Variants in NLGN1 observed in about 807,000 individuals in gnomAD.
The protein encoded by NLGN1 is neuroligin 1.
In NLGN1, 12 loss-of-function variants were observed where a neutral mutation model predicts 65.5. The observed-to-expected ratio is 0.18, with a 90% CI of 0.12 to 0.30. NLGN1 has a LOEUF of 0.30. Among genes scored for constraint, NLGN1 ranks in the 10% least tolerant of loss-of-function variants. NLGN1 has a pLI of 1.00. For missense variants in NLGN1, 750 were observed against 1,007.1 expected (o/e 0.74, Z 3.46); for synonymous variants, 350 against 359.5 (o/e 0.97, Z 0.30).
chr3:173,813,285 C>A (rs999430266), intron 4 of NLGN1, among the ~76,000 whole-genome samples: 1 of 151,864 alleles, frequency 6.6e-6, no homozygotes, highest in African/African-American at 2.4e-5. Context: ...AAAGAACCCC[C>A]AAAAAACAAA....
chr3:173,405,395 A>G (rs1718445985), intron 1 of NLGN1, among the ~76,000 whole-genome samples: 1 of 152,036 alleles, frequency 6.6e-6, no homozygotes, highest in Admixed American at 6.6e-5. Flanking sequence ...TCACATATAT[A>G]GTCTATGGCT....
At chr3:174,251,564 GA>G (rs901755009) in intron 4 of NLGN1, among the ~76,000 whole-genome samples, 8 of 152,014 alleles carry the variant, frequency 5.3e-5, no homozygotes, top group Non-Finnish European at 8.8e-5. Context: ...GATAAGCTTG[GA>G]AAAAAAGTTA....
intron 4 of NLGN1, among the ~76,000 whole-genome samples, chr3:174,044,396 G>T (rs1479688041): frequency 6.6e-6 from 1 of 151,882 alleles, no homozygotes; most frequent in African/African-American, 2.4e-5. Context: ...AAAGTTTTAT[G>T]CTCTGCTTCC....
At chr3:173,962,823 A>C (rs16848102) in intron 4 of NLGN1, among the ~76,000 whole-genome samples, 2,591 of 152,248 alleles carry the variant, frequency 0.017, 86 homozygotes, top group African/African-American at 0.058. Context: ...GATGCTCAAT[A>C]TACCTTATCT....
At chr3:173,974,334 C>T (rs1716949618) in intron 4 of NLGN1, among the ~76,000 whole-genome samples, 1 of 151,682 alleles carries the variant, frequency 6.6e-6, no homozygotes. Flanking sequence ...TATTTTAGGA[C>T]TCTTCATACT....
chr3:173,831,055 A>G (rs1722458331), intron 4 of NLGN1, among the ~76,000 whole-genome samples: 1 of 152,196 alleles, frequency 6.6e-6, no homozygotes. Context: ...CCCCTTTAAA[A>G]ATAATATTTT....
intron 4 of NLGN1, among the ~76,000 whole-genome samples, chr3:173,818,814 G>T (rs964351167): frequency 2.6e-5 from 4 of 150,996 alleles, no homozygotes; most frequent in Admixed American, 1.3e-4. Flanking sequence ...CTTCAGCCAG[G>T]GTCAGTTTTT....
At chr3:173,573,733 G>A (rs1053495831) in intron 2 of NLGN1, among the ~76,000 whole-genome samples, 2 of 151,188 alleles carry the variant, frequency 1.3e-5, no homozygotes, top group African/African-American at 4.9e-5. Flanking sequence ...GAAGGATAGA[G>A]AAAAAAATTT....
intron 2 of NLGN1, among the ~76,000 whole-genome samples, chr3:173,571,712 G>C (rs1003762961): frequency 2.6e-5 from 4 of 152,186 alleles, no homozygotes; most frequent in Admixed American, 6.6e-5. Flanking sequence ...TCTTTTCATA[G>C]TAGTTTCATA....
chr3:173,828,732 A>C (rs555677408), intron 4 of NLGN1, among the ~76,000 whole-genome samples: 4 of 152,198 alleles, frequency 2.6e-5, no homozygotes, highest in African/African-American at 9.6e-5. Flanking sequence ...GATTGATGTG[A>C]GAAAATATAT....
chr3:173,626,333 T>A (rs1754820579), intron 3 of NLGN1, among the ~76,000 whole-genome samples: 1 of 152,096 alleles, frequency 6.6e-6, no homozygotes, highest in Non-Finnish European at 1.5e-5. Context: ...AGTAAAATCT[T>A]ATTCTTTACA....
At chr3:173,575,814 A>G (rs527828369) in intron 2 of NLGN1, among the ~76,000 whole-genome samples, 10 of 152,274 alleles carry the variant, frequency 6.6e-5, no homozygotes, top group South Asian at 2.1e-4. Context: ...CTCAAATACA[A>G]AGTTTTCAGA....
chr3:174,064,217 A>G (rs1738006833), intron 4 of NLGN1, among the ~76,000 whole-genome samples: 1 of 152,150 alleles, frequency 6.6e-6, no homozygotes, highest in Non-Finnish European at 1.5e-5. Context: ...CAGGAAAAGC[A>G]TATAGAAAGC....
At chr3:173,608,684 TAAATTACCTCCTGTG>T (rs149219741) in intron 3 of NLGN1, among the ~76,000 whole-genome samples, 7,178 of 151,968 alleles carry the variant, frequency 0.047, 390 homozygotes, top group African/African-American at 0.12. Flanking sequence ...TCCGTTATGT[TAAATTACCTCCTGTG>T]ATGATTTCCA....
At chr3:174,241,900 C>T (rs1032779115) in intron 4 of NLGN1, among the ~76,000 whole-genome samples, 1 of 152,074 alleles carries the variant, frequency 6.6e-6, no homozygotes. Flanking sequence ...CCTCGTGATC[C>T]GCCCGCCTTG....
At chr3:174,271,276 G>GTCA (rs1749346289) in intron 4 of NLGN1, among the ~76,000 whole-genome samples, 1 of 148,148 alleles carries the variant, frequency 6.8e-6, no homozygotes. Flanking sequence ...CATTCTAGAT[G>GTCA]TCATCTCAAA....
chr3:174,065,239 GT>G (rs1738264584), intron 4 of NLGN1, among the ~76,000 whole-genome samples: 1 of 151,996 alleles, frequency 6.6e-6, no homozygotes, highest in African/African-American at 2.4e-5. Flanking sequence ...TCTTATATAA[GT>G]GCTAAAATGT....
rs544659202 is a variant in NLGN1 at position 173,430,812 on chromosome 3, C to A, written c.-389-4198C>A. On this transcript the variant is annotated intron_variant, in intron 1 of 6. Transcript: ENST00000457714. ...TTCCCACCGTGTGATCTTTACATACCAGCTCCTCTTTGCTTTCTATCATGA... is the reference window on the plus strand; with the variant it reads ...TTCCCACCGTGTGATCTTTACATACAAGCTCCTCTTTGCTTTCTATCATGA... 2.6e-5 allele frequency among the ~76,000 whole-genome samples: 4 copies of A among 152,242 alleles called. No homozygotes were observed. The East Asian group carries it at 5.8e-4, about 22-fold the overall frequency.
chr3:173,715,853 T>C (rs1769766306), intron 3 of NLGN1, among the ~76,000 whole-genome samples: 1 of 151,292 alleles, frequency 6.6e-6, no homozygotes, highest in African/African-American at 2.4e-5. Context: ...GTTTTTTGTG[T>C]CACAACATTA....
Sources: allele counts gnomAD v4.1 joint callset (sites outside exome capture counted in the v4.1 genomes callset), GRCh38; gene constraint gnomAD v4.1.1; transcripts MANE v1.5; gene names NCBI Gene and HGNC (gene_info 2026-07-23, HGNC 2026-07-21).